Variants in VASN observed in about 807,000 individuals in gnomAD.
The protein encoded by VASN is protein slit-like 2.
A neutral mutation model predicts 4.8 loss-of-function variants in VASN; 5 were observed. The ratio of observed to expected loss-of-function variants is 1.03; its 90% CI spans 0.54 to 2.17. The LOEUF (loss-of-function observed/expected upper bound fraction) is 2.17, where lower values mean the gene tolerates loss of function less well. Ranked by LOEUF, VASN falls within the 30% of genes most tolerant of loss-of-function variation. The probability of loss-of-function intolerance (pLI) is 0.01; values close to 1 mark genes in which losing one functional copy is unlikely to be tolerated. For synonymous variants in VASN, 499 were observed against 460.8 expected (o/e 1.08, Z -1.06); for missense variants, 927 against 948.8 (o/e 0.98, Z 0.30).
rs1395125866 is a variant in VASN at position 4,383,199 on chromosome 16, G to A, written c.*300G>A. On this transcript the variant is annotated 3_prime_UTR_variant, in exon 2 of 2. Coordinates refer to ENST00000304735, the MANE Select transcript of VASN (RefSeq NM_138440.3). ...GCGGGCCCTGCCATGTGCTGGTAACGCATGCCTGGGCCCTGCTGGGCTCTC... is the reference window on the plus strand; with the variant it reads ...GCGGGCCCTGCCATGTGCTGGTAACACATGCCTGGGCCCTGCTGGGCTCTC... The A allele has an allele frequency of 1.6e-5, 6 of 366,506 alleles. No individual in the cohort carries two copies. The highest frequency in any genetic ancestry group is 2.5e-5 in the Non-Finnish European group (5 of 196,674). The allele number at this position is 366,506 out of a possible 1,614,324, so 22.7% of individuals were successfully genotyped here.
At chr16:4,374,512 G>A (rs762248553) in intron 1 of VASN, among the ~76,000 whole-genome samples, 1 of 152,182 alleles carries the variant, frequency 6.6e-6, no homozygotes, top group Admixed American at 6.5e-5. Flanking sequence ...CTGCCTGAGA[G>A]ATTTAATTAA....
Position 4,382,683 on chromosome 16 carries a change from G to C in VASN, c.1806G>C (p.Gly602=). Residue 602 remains glycine (G), a synonymous_variant, in exon 2 of 2, where the codon GGG becomes GGC. Coordinates refer to ENST00000304735, the MANE Select transcript of VASN (RefSeq NM_138440.3). ...GGGCAGCCTACTGTGTGCGGCGGGG[G>C]CGGGCCATGGCAGCAGCGGCTCAGG... The part of the protein sequence containing the change: ...AVGAAYCVRR[G]RAMAAAAQDK... 1 of 1,546,564 alleles carries C rather than the reference G, an allele frequency of 6.5e-7. No homozygotes were observed. The highest frequency in any genetic ancestry group is 8.7e-7 in the Non-Finnish European group (1 of 1,147,206).
At chr16:4,376,815 A>G (rs1296738796) in intron 1 of VASN, among the ~76,000 whole-genome samples, 1 of 150,954 alleles carries the variant, frequency 6.6e-6, no homozygotes, top group Non-Finnish European at 1.5e-5. Context: ...GAGATACCCC[A>G]CCCCCGCTCC....
chr16:4,381,541 G>T lies in VASN; in HGVS notation c.664G>T (p.Asp222Tyr). 1 of 1,604,846 alleles carries T rather than the reference G, an allele frequency of 6.2e-7. No individual in the cohort carries two copies. The highest frequency in any genetic ancestry group is 1.7e-5 in the Admixed American group (1 of 59,024). The change falls in exon 2 of 2, where the codon GAT becomes TAT. Residue 222 changes from aspartate (D) to tyrosine (Y), a missense_variant. Physicochemically the swap from Asp to Tyr is radical, Grantham distance 160. Coordinates refer to ENST00000304735, the MANE Select transcript of VASN (RefSeq NM_138440.3). The stretch of plus-strand genomic sequence containing the variant: ...CCGCTTGCGCAACCTCCACGACCTG[G>T]ATGTGTCCGACAACCAGCTGGAGCG... ...FSRLRNLHDL[D>Y]VSDNQLERVP...
rs897544382 is a variant in VASN at position 4,380,981 on chromosome 16, C to T, written c.104C>T (p.Thr35Ile). The T allele has an allele frequency of 6.2e-7, 1 of 1,607,728 alleles. No individual in the cohort carries two copies. Residue 35 changes from threonine to isoleucine, a missense_variant, in exon 2 of 2, where the codon ACA (threonine) becomes ATA (isoleucine). Physicochemically the swap from Thr to Ile is moderately conservative, Grantham distance 89 (BLOSUM62 -1). Coordinates refer to ENST00000304735, the MANE Select transcript of VASN (RefSeq NM_138440.3). ...GGCTGCCAGTGCAGCCAGCCACAGA[C>T]AGTCTTCTGCACTGCCCGCCAGGGG... The part of the protein sequence containing the change: ...PSGCQCSQPQ[T>I]VFCTARQGTT...
At chr16:4,373,112 G>A (rs2054592067) in intron 1 of VASN, among the ~76,000 whole-genome samples, 1 of 152,128 alleles carries the variant, frequency 6.6e-6, no homozygotes, top group African/African-American at 2.4e-5. Context: ...CCCAGCTATT[G>A]ACAAAAACCC....
In VASN at chr16:4,383,489, A is replaced by C. The variant is rs1288139919; in HGVS notation, c.*590A>C. 2 of 167,184 alleles carry C rather than the reference A, an allele frequency of 1.2e-5. No homozygotes were observed. Among genetic ancestry groups the C allele is most frequent in the Middle Eastern group, 3.4e-3 (1 of 296 alleles). The allele number at this position is 167,184 out of a possible 1,614,324, so 10.4% of individuals were successfully genotyped here. A position where few individuals can be genotyped will look rare whatever the true frequency, so the allele number is the denominator to read the frequency against. On this transcript the variant is annotated 3_prime_UTR_variant, in exon 2 of 2. Transcript: ENST00000304735. ...TTTTTGTAAGACAAACGATGATATG[A>C]AGGCCTTTTGTAAGAAAAAATAAAA... is the stretch of plus-strand genomic sequence containing the variant.
intron 1 of VASN, among the ~76,000 whole-genome samples, chr16:4,379,052 G>A (rs905342285): frequency 1.3e-5 from 2 of 151,994 alleles, no homozygotes; most frequent in Admixed American, 1.3e-4. Flanking sequence ...TCTGTCCTGG[G>A]ACCACCTGCT....
intron 1 of VASN, among the ~76,000 whole-genome samples, chr16:4,372,873 C>T (rs1055151090): frequency 2.0e-5 from 3 of 152,154 alleles, no homozygotes; most frequent in African/African-American, 4.8e-5. Context: ...TGTCCCCATG[C>T]CTGCCTTTTG....
chr16:4,380,394 C>T (rs549444234), intron 1 of VASN, among the ~76,000 whole-genome samples: 3 of 152,248 alleles, frequency 2.0e-5, no homozygotes, highest in Non-Finnish European at 4.4e-5. Context: ...CCAAGGAGGG[C>T]GGGACACGGA....
chr16:4,372,075 C>G (rs1314077148), intron 1 of VASN, 82 bp downstream of exon 1: 1 of 151,666 alleles, frequency 6.6e-6, no homozygotes, highest in Non-Finnish European at 1.5e-5. Context: ...GGGACCGCCG[C>G]CGCGCGCACA....
chr16:4,382,626 C>A lies in VASN; in HGVS notation c.1749C>A (p.Ala583=). The A allele has an allele frequency of 6.4e-7, 1 of 1,571,768 alleles. No individual in the cohort carries two copies. Among genetic ancestry groups the A allele is most frequent in the Non-Finnish European group, 8.6e-7 (1 of 1,160,268 alleles). Reference sequence around the variant, plus strand: ...CGCTCCTCATTGCGCCCGCCCTGGCCGCGGTGCTCCTGGCCGCGCTGGCTG... The same window carrying A: ...CGCTCCTCATTGCGCCCGCCCTGGCAGCGGTGCTCCTGGCCGCGCTGGCTG... ...NLPLLIAPAL[A]AVLLAALAAV... Residue 583 remains alanine (A), a synonymous_variant, in exon 2 of 2, where the codon GCC becomes GCA. Coordinates refer to ENST00000304735, the MANE Select transcript of VASN (RefSeq NM_138440.3).
chr16:4,377,762 C>T (rs1336065988), intron 1 of VASN, among the ~76,000 whole-genome samples: 1 of 152,222 alleles, frequency 6.6e-6, no homozygotes, highest in Non-Finnish European at 1.5e-5. Context: ...TCCAGCGCTG[C>T]CTCCTCCCTC....
chr16:4,381,979 C>G lies in VASN; in HGVS notation c.1102C>G (p.Pro368Ala). 6.2e-7 allele frequency: 1 copy of G among 1,607,794 alleles called. No homozygotes were observed. Among genetic ancestry groups the G allele is most frequent in the Non-Finnish European group, 8.5e-7 (1 of 1,178,496 alleles). ...VPTTRPVVRE[P>A]TALSSSLAPT... ...CACCACGAGGCCCGTGGTGCGGGAG[C>G]CCACAGCCTTGTCTTCTAGCTTGGC... Residue 368 changes from proline to alanine, a missense_variant, in exon 2 of 2, where the codon CCC (proline) becomes GCC (alanine). Coordinates refer to ENST00000304735, the MANE Select transcript of VASN (RefSeq NM_138440.3).
In VASN at chr16:4,382,386, C is replaced by G; in HGVS notation, c.1509C>G (p.Gly503=). The change falls in exon 2 of 2, where the codon GGC becomes GGG. Residue 503 remains glycine, a synonymous_variant. Transcript: ENST00000304735. ...GTCTCACCTATCGCAACCTATCGGG[C>G]CCTGATAAGCGGCTGGTGACGCTGC... ...SLRLTYRNLS[G]PDKRLVTLRL... 6.2e-7 allele frequency: 1 copy of G among 1,612,272 alleles called. No homozygotes were observed. Among genetic ancestry groups the G allele is most frequent in the Non-Finnish European group, 8.5e-7 (1 of 1,179,786 alleles).
rs2054541561 is a variant in VASN, at chr16:4,371,867, G to C, written c.-136G>C. ...CGAGCCGACTCCGGAGCCCGAGCCCGGGGCGGGTGGACGCGGACTCGAACG... is the reference window on the plus strand; with the variant it reads ...CGAGCCGACTCCGGAGCCCGAGCCCCGGGCGGGTGGACGCGGACTCGAACG... On this transcript the variant is annotated 5_prime_UTR_variant, in exon 1 of 2. Coordinates refer to ENST00000304735, the MANE Select transcript of VASN (RefSeq NM_138440.3). 1 of 152,148 alleles carries C rather than the reference G, an allele frequency of 6.6e-6. No individual in the cohort carries two copies. Among genetic ancestry groups the C allele is most frequent in the Non-Finnish European group, 1.5e-5 (1 of 67,992 alleles). 9.4% of individuals were successfully genotyped at this position (152,148 alleles called of 1,614,324 possible). A position where few individuals can be genotyped will look rare whatever the true frequency, so the allele number is the denominator to read the frequency against.
In VASN at chr16:4,381,242, G is replaced by C; in HGVS notation, c.365G>C (p.Gly122Ala). 1 of 1,611,848 alleles carries C rather than the reference G, an allele frequency of 6.2e-7. No individual in the cohort carries two copies. Among genetic ancestry groups the C allele is most frequent in the Non-Finnish European group, 8.5e-7 (1 of 1,179,494 alleles). Residue 122 changes from glycine (G) to alanine (A), a missense_variant, in exon 2 of 2, where the codon GGC (glycine) becomes GCC (alanine). Physicochemically the swap from Gly to Ala is moderately conservative, Grantham distance 60. Transcript: ENST00000304735. ...LHEITNETFR[G>A]LRRLERLYLG... Reference sequence around the variant, plus strand: ...GAAATCACCAATGAGACCTTCCGTGGCCTGCGGCGCCTCGAGCGCCTCTAC... The same window carrying C: ...GAAATCACCAATGAGACCTTCCGTGCCCTGCGGCGCCTCGAGCGCCTCTAC...
At chr16:4,373,689 G>T (rs888239284) in intron 1 of VASN, among the ~76,000 whole-genome samples, 2 of 152,160 alleles carry the variant, frequency 1.3e-5, no homozygotes, top group African/African-American at 4.8e-5. Flanking sequence ...GCTGGGACAA[G>T]TCCCAAGTAC....
chr16:4,381,188 A>G lies in VASN; in HGVS notation c.311A>G (p.Asn104Ser), dbSNP rs747080014. The G allele has an allele frequency of 6.2e-7, 1 of 1,612,060 alleles. No homozygotes were observed. Among genetic ancestry groups the G allele is most frequent in the Non-Finnish European group, 8.5e-7 (1 of 1,179,318 alleles). ...TTCCAGCCACTCGCCAACCTCAGCA[A>G]CCTGGACCTGACAGCCAACAGGCTG... Reference protein sequence around the residue: ...GVFQPLANLSNLDLTANRLHE... With the variant: ...GVFQPLANLSSLDLTANRLHE... The change falls in exon 2 of 2, where the codon AAC (asparagine) becomes AGC (serine). Residue 104 changes from asparagine to serine, a missense_variant. Physicochemically the swap from Asn to Ser is conservative, Grantham distance 46. Coordinates refer to ENST00000304735, the MANE Select transcript of VASN (RefSeq NM_138440.3).
Sources: gnomAD v4.1 joint callset for allele counts (sites outside exome capture counted in the v4.1 genomes callset) on GRCh38, gnomAD v4.1.1 for gene constraint, MANE v1.5 for transcripts, NCBI Gene and HGNC (gene_info 2026-07-23, HGNC 2026-07-21) for gene names.